The following KIF15 variants were observed in gnomAD, a reference collection of about 807,000 sequenced individuals.
KIF15 encodes the protein kinesin-like protein KIF15.
KIF15 carries 140 observed loss-of-function variants against 190.6 expected under a neutral mutation model. The observed-to-expected ratio is 0.73, with a 90% CI of 0.64 to 0.84. The LOEUF is 0.84. Ranked by LOEUF, KIF15 falls within the 40% of genes least tolerant of loss-of-function variation. KIF15 has a pLI of 0.00. For synonymous variants in KIF15, 528 were observed against 551.3 expected (o/e 0.96, Z 0.59); for missense variants, 1,372 against 1,584.4 (o/e 0.87, Z 2.28).
At chr3:44,850,630 T>C (rs535099822) in intron 32 of KIF15, among the ~76,000 whole-genome samples, 127 of 152,206 alleles carry the variant, frequency 8.3e-4, no homozygotes, top group Non-Finnish European at 1.7e-3. Context: ...GTTACCCATA[T>C]ATTTGTGAAG....
At chr3:44,835,870 G>A (rs1479083013) in intron 26 of KIF15, among the ~76,000 whole-genome samples, 1 of 152,150 alleles carries the variant, frequency 6.6e-6, no homozygotes, top group African/African-American at 2.4e-5. Flanking sequence ...ATTTTTACAT[G>A]GATTAGAGTT....
rs746126636 is a variant in KIF15 at position 44,852,737 on chromosome 3, G to A, written c.*2G>A. 1.3e-6 allele frequency: 2 copies of A among 1,594,762 alleles called. No individual in the cohort carries two copies. On this transcript the variant is annotated 3_prime_UTR_variant, in exon 35 of 35. Transcript: ENST00000326047. ...GAAAAGAAAAGAAGTGAATCTTGAG[G>A]ATTCCGGTCAGCTACCTAGGCATCA...
Position 44,838,261 on chromosome 3 carries a change from T to C in KIF15, c.3172-14T>C. The C allele has an allele frequency of 6.3e-7, 1 of 1,581,346 alleles. No homozygotes were observed. The highest frequency in any genetic ancestry group is 8.6e-7 in the Non-Finnish European group (1 of 1,166,504). On this transcript the variant is annotated splice_polypyrimidine_tract_variant and intron_variant, in intron 26 of 34. Transcript: ENST00000326047. ...TACCATAATTAAGAAACTGTGATGA[T>C]TGTCTCCTAACAGAGGGATATGCTC...
rs1167598407 is a variant in KIF15 at position 44,827,445 on chromosome 3, T to G, written c.2787-14T>G. On this transcript the variant is annotated splice_polypyrimidine_tract_variant and intron_variant, in intron 22 of 34. Transcript: ENST00000326047. ...GAGTGAAGTCAGGGGTAAAAGATAA[T>G]TATTCTCTTCCAGAGAAATCTTAAA... 1 of 1,583,208 alleles carries G rather than the reference T, an allele frequency of 6.3e-7. No homozygotes were observed.
At chr3:44,812,371 A>G (rs918834736) in intron 18 of KIF15, 82 bp downstream of exon 18, 5 of 963,772 alleles carry the variant, frequency 5.2e-6, no homozygotes, top group African/African-American at 1.6e-5. Context: ...AGGATCCTCA[A>G]ACATCCTTGA....
Position 44,801,965 on chromosome 3 carries a change from G to A in KIF15, c.1500G>A (p.Leu500=). ...AATTAAGGAATGAGATTCAAACTCT[G>A]CGAGAACAAGTGAGTATACGGCATC... ...LSELRNEIQT[L]REQIEHHPRV... The change falls in exon 13 of 35, where the codon CTG becomes CTA. Residue 500 remains leucine, a synonymous_variant. Transcript: ENST00000326047. 6.2e-7 allele frequency: 1 copy of A among 1,608,300 alleles called. No homozygotes were observed. Among genetic ancestry groups the A allele is most frequent in the Non-Finnish European group, 8.5e-7 (1 of 1,175,504 alleles).
chr3:44,791,153 T>C (rs182068407), intron 7 of KIF15, among the ~76,000 whole-genome samples: 2 of 152,318 alleles, frequency 1.3e-5, no homozygotes, highest in East Asian at 3.9e-4. Flanking sequence ...GCCTGTTTCA[T>C]CTAATACTTC....
intron 1 of KIF15, among the ~76,000 whole-genome samples, chr3:44,773,775 A>G (rs1705745540): frequency 6.6e-6 from 1 of 152,228 alleles, no homozygotes. Flanking sequence ...GGCCACCAAA[A>G]TGATGCAGGA....
intron 20 of KIF15, among the ~76,000 whole-genome samples, 194 bp downstream of exon 20, chr3:44,815,270 T>C (rs145540112): frequency 1.3e-5 from 2 of 152,214 alleles, no homozygotes; most frequent in South Asian, 2.1e-4. Context: ...AGCAATATTG[T>C]CAGTGTTCTA....
downstream of KIF15, among the ~76,000 whole-genome samples, chr3:44,855,268 A>G (rs959880392): frequency 6.6e-6 from 1 of 152,220 alleles, no homozygotes; most frequent in African/African-American, 2.4e-5. Flanking sequence ...AACTTCTTAA[A>G]GGTGGAGGAG....
At chr3:44,814,769 G>T in intron 19 of KIF15, 142 bp from the exon 20 acceptor site, 1 of 527,564 alleles carries the variant, frequency 1.9e-6, no homozygotes, top group Non-Finnish European at 3.2e-6. Flanking sequence ...AGTGCTGCTA[G>T]GTACCCGCCA....
At chr3:44,858,352 G>C (rs1405451677) in intron 6 of KIF15, among the ~76,000 whole-genome samples, 5 of 152,194 alleles carry the variant, frequency 3.3e-5, no homozygotes, top group African/African-American at 7.2e-5. Context: ...ATAGGTTTTA[G>C]AAGCCCATGC....
In KIF15 at chr3:44,861,909, G is replaced by T. The variant is rs532676788; in HGVS notation, c.*59+9115G>T. 114 of 1,482,568 alleles carry T rather than the reference G, an allele frequency of 7.7e-5. 1 individual carries two copies. In the South Asian group the frequency reaches 1.3e-3, roughly 17 times the overall value. The allele number at this position is 1,482,568 out of a possible 1,614,324, so 91.8% of individuals were successfully genotyped here. A position where few individuals can be genotyped will look rare whatever the true frequency, so the allele number is the denominator to read the frequency against. On this transcript the variant is annotated intron_variant and NMD_transcript_variant, in intron 6 of 6. Transcript: ENST00000422209. ...CCTGCGGGCAGCGGGTGCCAGGCAC[G>T]GTGTCAGCAGGCAACATGGCCGAGA... is the stretch of plus-strand genomic sequence containing the variant.
At chr3:44,814,493 T>C (rs2125663662) in intron 19 of KIF15, among the ~76,000 whole-genome samples, 1 of 152,242 alleles carries the variant, frequency 6.6e-6, no homozygotes, top group South Asian at 2.1e-4. Context: ...GTATTTTTGG[T>C]AGAGACAGGG....
chr3:44,798,467 C>T (rs1707102831), intron 10 of KIF15, among the ~76,000 whole-genome samples: 1 of 151,990 alleles, frequency 6.6e-6, no homozygotes, highest in Non-Finnish European at 1.5e-5. Flanking sequence ...CCCACCACCA[C>T]GCCCGGCTAA....
intron 17 of KIF15, 100 bp from the exon 18 acceptor site, chr3:44,812,077 ATTTGT>A (rs1455053780): frequency 4.0e-5 from 33 of 821,390 alleles, no homozygotes; most frequent in Non-Finnish European, 5.7e-5. Flanking sequence ...GAGGTTTTGA[ATTTGT>A]TTTGTTTTGT....
At chr3:44,761,965 G>C in intron 1 of KIF15, 81 bp downstream of exon 1, 1 of 1,579,828 alleles carries the variant, frequency 6.3e-7, no homozygotes, top group Non-Finnish European at 8.7e-7. Context: ...CGGACCGCCC[G>C]CAAGGTTCTT....
chr3:44,785,882 C>T (rs1301233784), intron 6 of KIF15, among the ~76,000 whole-genome samples: 1 of 152,140 alleles, frequency 6.6e-6, no homozygotes, highest in African/African-American at 2.4e-5. Context: ...TCTAGGGTGC[C>T]TGGCACCACA....
At chr3:44,833,823 G>C (rs1417962614) in intron 26 of KIF15, among the ~76,000 whole-genome samples, 5 of 152,196 alleles carry the variant, frequency 3.3e-5, no homozygotes, top group Non-Finnish European at 5.9e-5. Context: ...ATATGTGTCA[G>C]ATGGAAATAG....
Sources: gnomAD v4.1 joint callset for allele counts (sites outside exome capture counted in the v4.1 genomes callset) on GRCh38, gnomAD v4.1.1 for gene constraint, MANE v1.5 for transcripts, NCBI Gene and HGNC (gene_info 2026-07-23, HGNC 2026-07-21) for gene names.